PCDH15: variants seen among roughly 807,000 people sequenced by gnomAD.
PCDH15 encodes protocadherin related 15.
PCDH15 carries 129 observed loss-of-function variants against 178.5 expected under a neutral mutation model. That is an observed-to-expected ratio of 0.72 (90% CI 0.63 to 0.84). The LOEUF (loss-of-function observed/expected upper bound fraction) is 0.84. Among genes scored for constraint, PCDH15 ranks in the 40% least tolerant of loss-of-function variants. The pLI, the probability that PCDH15 is intolerant of heterozygous loss-of-function variation, is 0.00. For synonymous variants in PCDH15, 800 were observed against 732.0 expected, an observed-to-expected ratio of 1.09 and a Z score of -1.50; for missense variants, 2,230 against 2,099.9, an observed-to-expected ratio of 1.06 and a Z score of -1.21.
intron 2 of PCDH15, among the ~76,000 whole-genome samples, chr10:55,133,237 T>C (rs1473358345): frequency 1.3e-5 from 2 of 152,166 alleles, no homozygotes; most frequent in Non-Finnish European, 2.9e-5. Context: ...GGTGTCAAGG[T>C]CATTGATTAC....
At chr10:55,398,622 C>T (rs1337168265) in intron 2 of PCDH15, among the ~76,000 whole-genome samples, 1 of 152,094 alleles carries the variant, frequency 6.6e-6, no homozygotes, top group Non-Finnish European at 1.5e-5. Flanking sequence ...AAGATATAGA[C>T]CCAGTCATAA....
chr10:55,413,921 A>G (rs1197345452), intron 2 of PCDH15, among the ~76,000 whole-genome samples: 4 of 151,644 alleles, frequency 2.6e-5, no homozygotes, highest in African/African-American at 9.7e-5. Context: ...ATATGCAGTC[A>G]AAAATAACCA....
chr10:54,055,233 G>T (rs1454200760), intron 18 of PCDH15, among the ~76,000 whole-genome samples: 1 of 152,068 alleles, frequency 6.6e-6, no homozygotes. Flanking sequence ...TAGCATGCAG[G>T]TCTCATACTG....
At chr10:55,512,249 C>T (rs1243048064) in intron 2 of PCDH15, among the ~76,000 whole-genome samples, 1 of 152,030 alleles carries the variant, frequency 6.6e-6, no homozygotes. Flanking sequence ...AGACTGGCTA[C>T]TTTATTTCCA....
intron 3 of PCDH15, among the ~76,000 whole-genome samples, chr10:54,459,109 G>C (rs2077011505): frequency 6.6e-6 from 1 of 151,880 alleles, no homozygotes; most frequent in Non-Finnish European, 1.5e-5. Flanking sequence ...TAAAATGACA[G>C]AGAGAGAGAA....
chr10:54,236,775 G>C lies in PCDH15; in HGVS notation c.985+48C>G, dbSNP rs1245630114. On this transcript the variant is annotated intron_variant, in intron 9 of 37. Transcript: ENST00000644397. ...CTTGGAATTGAGAGAATTTGTTACT[G>C]TAAGATTCTAGAATAACTGATAGTG... 7.1e-6 allele frequency: 10 copies of C among 1,418,080 alleles called. No homozygotes were observed. In the East Asian group the frequency reaches 1.8e-4, roughly 26 times the overall value. 87.8% of individuals were successfully genotyped at this position (1,418,080 alleles called of 1,614,324 possible). A position where few individuals can be genotyped will look rare whatever the true frequency, so the allele number is the denominator to read the frequency against.
intron 21 of PCDH15, among the ~76,000 whole-genome samples, chr10:53,989,795 C>T (rs1213378856): frequency 6.6e-6 from 1 of 151,990 alleles, no homozygotes; most frequent in Non-Finnish European, 1.5e-5. Context: ...TAGCAATAAT[C>T]TAAATCAATA....
chr10:55,280,269 C>CT (rs1007536850), intron 1 of PCDH15, among the ~76,000 whole-genome samples: 4,816 of 66,030 alleles, frequency 0.073, 808 homozygotes, highest in African/African-American at 0.16. Flanking sequence ...TATTTTGATT[C>CT]TTTTTTTTTT....
intron 26 of PCDH15, among the ~76,000 whole-genome samples, chr10:53,899,451 G>T (rs2133607385): frequency 6.6e-6 from 1 of 151,982 alleles, no homozygotes; most frequent in African/African-American, 2.4e-5. Flanking sequence ...AGCTAATATA[G>T]CCTTATTCAC....
intron 2 of PCDH15, among the ~76,000 whole-genome samples, chr10:54,948,012 C>T (rs1838234958): frequency 6.6e-6 from 1 of 151,916 alleles, no homozygotes; most frequent in Admixed American, 6.6e-5. Context: ...TATTTGTATA[C>T]ATTGATATTT....
At chr10:53,848,020 T>G (rs897546364) in intron 28 of PCDH15, among the ~76,000 whole-genome samples, 1 of 152,078 alleles carries the variant, frequency 6.6e-6, no homozygotes, top group Admixed American at 6.5e-5. Context: ...ATAAACATTT[T>G]GTGGAGTTTA....
intron 2 of PCDH15, among the ~76,000 whole-genome samples, chr10:55,016,261 C>T (rs1840177281): frequency 6.6e-6 from 1 of 151,986 alleles, no homozygotes; most frequent in Non-Finnish European, 1.5e-5. Context: ...AAAAACAATC[C>T]AATTACACTC....
chr10:54,890,473 G>A (rs1157590358), intron 3 of PCDH15, among the ~76,000 whole-genome samples: 1 of 151,948 alleles, frequency 6.6e-6, no homozygotes, highest in Non-Finnish European at 1.5e-5. Context: ...GTCTACAGAT[G>A]GCAATTTCTA....
At chr10:54,614,137 A>G (rs2093055042) in intron 2 of PCDH15, among the ~76,000 whole-genome samples, 1 of 151,964 alleles carries the variant, frequency 6.6e-6, no homozygotes, top group Admixed American at 6.6e-5. Context: ...TATACACTAG[A>G]CCTATATGCA....
intron 1 of PCDH15, among the ~76,000 whole-genome samples, chr10:55,248,837 A>G (rs11004785): frequency 0.058 from 8,862 of 152,230 alleles, 278 homozygotes; most frequent in East Asian, 0.12. Flanking sequence ...GATTACAGGC[A>G]TGAGCCACCA....
intron 2 of PCDH15, among the ~76,000 whole-genome samples, chr10:55,533,370 T>A (rs1159726429): frequency 6.6e-6 from 1 of 152,044 alleles, no homozygotes; most frequent in Non-Finnish European, 1.5e-5. Context: ...CTAATAAAAA[T>A]TTTTAGTAAG....
At chr10:54,046,624 A>AAG in intron 18 of PCDH15, among the ~76,000 whole-genome samples, 1 of 151,742 alleles carries the variant, frequency 6.6e-6, no homozygotes, top group South Asian at 2.1e-4. Context: ...CAACAAAAAA[A>AAG]CCCAGGAAAT....
Position 54,369,238 on chromosome 10 carries a change from T to G in PCDH15, c.356A>C (p.Gln119Pro). The G allele has an allele frequency of 1.2e-6, 2 of 1,612,898 alleles. No individual in the cohort carries two copies. The highest frequency in any genetic ancestry group is 1.7e-6 in the Non-Finnish European group (2 of 1,179,302). Reference sequence around the variant, plus strand: ...AGTGCCCACTTTTTTGTTGATGCACTGGACCTGCACCACAATGGAGTGTAT... The same window carrying G: ...AGTGCCCACTTTTTTGTTGATGCACGGGACCTGCACCACAATGGAGTGTAT... Reference protein sequence around the residue: ...MNIHSIVVQVQCINKKVGTII... With the variant: ...MNIHSIVVQVPCINKKVGTII... The change falls in exon 5 of 38, where the codon CAG (glutamine) becomes CCG (proline). Residue 119 changes from glutamine to proline, a missense_variant. Physicochemically the swap from Gln to Pro is moderately conservative, Grantham distance 76. Transcript: ENST00000644397.
chr10:54,129,140 G>A (rs890240383), intron 15 of PCDH15, among the ~76,000 whole-genome samples: 8 of 152,122 alleles, frequency 5.3e-5, no homozygotes, highest in African/African-American at 1.9e-4. Context: ...CGACCTGTTT[G>A]TTAGGGTCAG....
Sources: gnomAD v4.1 joint callset for allele counts (sites outside exome capture counted in the v4.1 genomes callset) on GRCh38, gnomAD v4.1.1 for gene constraint, MANE v1.5 for transcripts, NCBI Gene and HGNC (gene_info 2026-07-23, HGNC 2026-07-21) for gene names.